The following CAMTA1 variants were observed in gnomAD, a reference collection of about 807,000 sequenced individuals.
CAMTA1 encodes calmodulin-binding transcription activator 1.
In CAMTA1, 27 loss-of-function variants were observed where a neutral mutation model predicts 170.9. The ratio of observed to expected loss-of-function variants is 0.16; its 90% CI spans 0.12 to 0.22. The LOEUF (loss-of-function observed/expected upper bound fraction) is 0.22. Among genes scored for constraint, CAMTA1 ranks in the 10% least tolerant of loss-of-function variants. The pLI is 1.00. For synonymous variants in CAMTA1, 833 were observed against 891.5 expected, an observed-to-expected ratio of 0.93 and a Z score of 1.17; for missense variants, 1,619 against 2,217.2, an observed-to-expected ratio of 0.73 and a Z score of 5.42.
intron 11 of CAMTA1, among the ~76,000 whole-genome samples, chr1:7,724,549 TG>T: frequency 6.6e-6 from 1 of 152,284 alleles, no homozygotes; most frequent in African/African-American, 2.4e-5. Flanking sequence ...ATTGCATGTA[TG>T]GGCCGGGCGC....
At chr1:6,981,080 C>T (rs1694361850) in intron 3 of CAMTA1, among the ~76,000 whole-genome samples, 1 of 151,290 alleles carries the variant, frequency 6.6e-6, no homozygotes, top group African/African-American at 2.4e-5. Flanking sequence ...CTGAGAACAG[C>T]CCCCAATGAG....
chr1:6,953,280 CTT>C (rs374947687), intron 3 of CAMTA1, among the ~76,000 whole-genome samples: 64 of 152,318 alleles, frequency 4.2e-4, no homozygotes, highest in African/African-American at 1.5e-3. Flanking sequence ...AGAGCTCTCT[CTT>C]TTCACCATGC....
At chr1:7,407,332 G>A (rs1437875120) in intron 5 of CAMTA1, among the ~76,000 whole-genome samples, 1 of 152,156 alleles carries the variant, frequency 6.6e-6, no homozygotes, top group African/African-American at 2.4e-5. Context: ...GCCCAGGCTC[G>A]GGGAGGGCAC....
chr1:7,654,754 T>C (rs1208456987), intron 7 of CAMTA1, among the ~76,000 whole-genome samples: 8 of 135,324 alleles, frequency 5.9e-5, no homozygotes, highest in African/African-American at 8.7e-5. Flanking sequence ...CACACACATA[T>C]ACAAACACAC....
intron 5 of CAMTA1, among the ~76,000 whole-genome samples, chr1:7,387,581 C>T (rs2149106185): frequency 6.6e-6 from 1 of 152,306 alleles, no homozygotes; most frequent in South Asian, 2.1e-4. Flanking sequence ...CCAGGTGCCT[C>T]CTGGGGCCTC....
At chr1:7,434,728 TC>T (rs2092291292) in intron 5 of CAMTA1, among the ~76,000 whole-genome samples, 1 of 152,152 alleles carries the variant, frequency 6.6e-6, no homozygotes, top group East Asian at 1.9e-4. Flanking sequence ...TCTTGCTCTG[TC>T]CCCGAGTGGT....
chr1:7,041,160 G>GGC lies in CAMTA1; in HGVS notation c.235-50142_235-50141dup, dbSNP rs1704392259. 6.6e-6 allele frequency among the ~76,000 whole-genome samples: 1 copy of GGC among 152,274 alleles called. No individual in the cohort carries two copies. Among genetic ancestry groups the GGC allele is most frequent in the South Asian group, 2.1e-4 (1 of 4,838 alleles). The stretch of plus-strand genomic sequence containing the variant: ...TAAAAGTTGGCCCCAAGCCAGTGCG[G>GGC]GCGACGGTGTCAGCCACCCTTGGTT... On this transcript the variant is annotated intron_variant, in intron 3 of 22. Coordinates refer to ENST00000303635, the MANE Select transcript of CAMTA1 (RefSeq NM_015215.4). The surrounding 1 kb of genome is among the most constrained non-coding windows in gnomAD (Gnocchi z 5.1).
At chr1:6,835,499 A>G (rs1652613462) in intron 3 of CAMTA1, among the ~76,000 whole-genome samples, 1 of 152,252 alleles carries the variant, frequency 6.6e-6, no homozygotes, top group South Asian at 2.1e-4. Context: ...AGCTGGAGTC[A>G]GAATCACCTG....
chr1:7,616,257 G>A (rs1222596901), intron 6 of CAMTA1, among the ~76,000 whole-genome samples: 2 of 152,268 alleles, frequency 1.3e-5, no homozygotes, highest in African/African-American at 4.8e-5. Flanking sequence ...GATATTTCAA[G>A]CAGGGCGTTC....
At chr1:6,921,337 C>T (rs1348915384) in intron 3 of CAMTA1, among the ~76,000 whole-genome samples, 1 of 152,206 alleles carries the variant, frequency 6.6e-6, no homozygotes, top group African/African-American at 2.4e-5. Context: ...TTTCTCATCT[C>T]CATCTGAGAC....
At chr1:6,840,562 G>C (rs1213183742) in intron 3 of CAMTA1, among the ~76,000 whole-genome samples, 1 of 152,124 alleles carries the variant, frequency 6.6e-6, no homozygotes, top group Non-Finnish European at 1.5e-5. Context: ...TGTTCTTCTG[G>C]GATGTCCTGG....
At chr1:6,949,383 G>A (rs12045008) in intron 3 of CAMTA1, among the ~76,000 whole-genome samples, 1 of 152,264 alleles carries the variant, frequency 6.6e-6, no homozygotes. Flanking sequence ...GACATATGCA[G>A]GGGGTCCCCA....
At chr1:7,182,658 A>G (rs181923473) in intron 4 of CAMTA1, among the ~76,000 whole-genome samples, 67 of 152,312 alleles carry the variant, frequency 4.4e-4, no homozygotes, top group Non-Finnish European at 7.5e-4. Flanking sequence ...TCAAAATGCA[A>G]ATGACTTTGT....
rs777165968 is a variant in CAMTA1 at position 6,901,585 on chromosome 1, C to T, written c.234+76375C>T. ...AGAGTTCTCTAGACATCTTAGGATACACAGATGGCAACTAAGCACATGAAG... is the reference window on the plus strand; with the variant it reads ...AGAGTTCTCTAGACATCTTAGGATATACAGATGGCAACTAAGCACATGAAG... On this transcript the variant is annotated intron_variant, in intron 3 of 22. Transcript: ENST00000303635. Among the ~76,000 whole-genome samples, 35 of 152,264 alleles carry T rather than the reference C, an allele frequency of 2.3e-4. 1 individual carries two copies. Among genetic ancestry groups the T allele is most frequent in the Admixed American group, 3.3e-4 (5 of 15,292 alleles).
Position 7,460,160 on chromosome 1 carries a change from C to T in CAMTA1, c.439-7670C>T, listed in dbSNP as rs558463930. 1.9e-4 allele frequency among the ~76,000 whole-genome samples: 29 copies of T among 152,370 alleles called. No homozygotes were observed. The South Asian group carries it at 4.3e-3, about 23-fold the overall frequency. On this transcript the variant is annotated intron_variant, in intron 5 of 22. Coordinates refer to ENST00000303635, the MANE Select transcript of CAMTA1 (RefSeq NM_015215.4). Reference sequence around the variant, plus strand: ...GCAGCTTCACCCCGCATGCGGGACGCGGATGAGAGAGCTGGGGAGGGGCCC... The same window carrying T: ...GCAGCTTCACCCCGCATGCGGGACGTGGATGAGAGAGCTGGGGAGGGGCCC...
At chr1:7,658,420 C>T (rs773443090) in intron 7 of CAMTA1, among the ~76,000 whole-genome samples, 77 of 152,138 alleles carry the variant, frequency 5.1e-4, no homozygotes, top group Middle Eastern at 3.2e-3. Context: ...AAAAAAAATA[C>T]CTGGCACCAC....
At chr1:7,653,996 G>C (rs539625309) in intron 7 of CAMTA1, among the ~76,000 whole-genome samples, 1 of 152,322 alleles carries the variant, frequency 6.6e-6, no homozygotes. Context: ...CCCATCCTGA[G>C]TCTGTGATTC....
At chr1:6,852,209 A>G (rs1051558463) in intron 3 of CAMTA1, among the ~76,000 whole-genome samples, 1 of 152,280 alleles carries the variant, frequency 6.6e-6, no homozygotes, top group African/African-American at 2.4e-5. Context: ...GGACAAAATT[A>G]TCACTTCTTT....
intron 6 of CAMTA1, among the ~76,000 whole-genome samples, chr1:7,540,311 A>G (rs577048367): frequency 6.6e-6 from 1 of 152,320 alleles, no homozygotes; most frequent in Admixed American, 6.5e-5. Context: ...GCCCAGCATT[A>G]GAACTGGAGT....
Sources: gnomAD v4.1 joint callset for allele counts (sites outside exome capture counted in the v4.1 genomes callset) on GRCh38, gnomAD v4.1.1 for gene constraint, Gnocchi (gnomAD v3.1) non-coding constraint, MANE v1.5 for transcripts, NCBI Gene and HGNC (gene_info 2026-07-23, HGNC 2026-07-21) for gene names.